The following LMCD1 variants were observed in gnomAD, a reference collection of about 807,000 sequenced individuals.
The protein encoded by LMCD1 is LIM and cysteine-rich domains protein 1.
LMCD1 carries 32 observed loss-of-function variants against 42.7 expected under a neutral mutation model. That is an observed-to-expected ratio of 0.75 (90% CI 0.57 to 1.01). The LOEUF is 1.01. Among genes scored for constraint, LMCD1 ranks in the 50% least tolerant of loss-of-function variants. The pLI, the probability that LMCD1 is intolerant of heterozygous loss-of-function variation, is 0.00. For missense variants in LMCD1, 458 were observed against 483.1 expected, an observed-to-expected ratio of 0.95 and a Z score of 0.49; for synonymous variants, 178 against 184.9, an observed-to-expected ratio of 0.96 and a Z score of 0.30.
At chr3:8,548,529 A>G in intron 3 of LMCD1, 39 bp from the exon 4 acceptor site, 1 of 1,442,886 alleles carries the variant, frequency 6.9e-7, no homozygotes, top group Non-Finnish European at 9.5e-7. Context: ...ATGAAGCCCC[A>G]TCCACATCAT....
intron 1 of LMCD1, among the ~76,000 whole-genome samples, chr3:8,506,956 G>A (rs1277504194): frequency 6.6e-6 from 1 of 152,208 alleles, no homozygotes; most frequent in Admixed American, 6.5e-5. Context: ...CACTGAAAGC[G>A]GAATTGTGGA....
rs1350426893 is a variant in LMCD1, at chr3:8,572,808, AC to A, written c.*5211del. 6.6e-6 allele frequency: 1 copy of A among 152,216 alleles called. No individual in the cohort carries two copies. Among genetic ancestry groups the A allele is most frequent in the African/African-American group, 2.4e-5 (1 of 41,446 alleles). 9.4% of individuals were successfully genotyped at this position (152,216 alleles called of 1,614,324 possible). On this transcript the variant is annotated 3_prime_UTR_variant, in exon 6 of 6. Transcript: ENST00000157600. ...TCTTTAAACACATTTTACATCTGGC[AC>A]AATAACGTGCTACATACCCATCTTG... is the stretch of plus-strand genomic sequence containing the variant.
chr3:8,559,747 A>G (rs1168228207), intron 4 of LMCD1, among the ~76,000 whole-genome samples: 2 of 152,320 alleles, frequency 1.3e-5, no homozygotes, highest in East Asian at 3.9e-4. Flanking sequence ...CAGGTCTCTC[A>G]TCCTTTGAGA....
rs1465951469 is a variant in LMCD1, at chr3:8,548,555, T to C, written c.388-13T>C. On this transcript the variant is annotated splice_polypyrimidine_tract_variant and intron_variant, in intron 3 of 5. Transcript: ENST00000157600. ...TCCACATCATGTTGTCTCTTCCTCC[T>C]CCTCCTCCCTAGGGACTGCAGTACA... The C allele has an allele frequency of 6.4e-7, 1 of 1,574,014 alleles. No homozygotes were observed. The highest frequency in any genetic ancestry group is 1.2e-5 in the South Asian group (1 of 86,240).
chr3:8,504,252 G>C (rs1251747359), intron 1 of LMCD1, among the ~76,000 whole-genome samples: 1 of 152,212 alleles, frequency 6.6e-6, no homozygotes, highest in Non-Finnish European at 1.5e-5. Flanking sequence ...TCACAGAAGT[G>C]ATTAAGTACT....
At chr3:8,539,795 T>TTTATTATTATTA (rs71049735) in intron 3 of LMCD1, among the ~76,000 whole-genome samples, 6 of 139,842 alleles carry the variant, frequency 4.3e-5, no homozygotes, top group Non-Finnish European at 9.2e-5. Context: ...TCCCAACATT[T>TTTATTATTATTA]TTATTATTAT....
intron 3 of LMCD1, among the ~76,000 whole-genome samples, chr3:8,544,795 A>G (rs574370738): frequency 6.6e-6 from 1 of 152,184 alleles, no homozygotes; most frequent in African/African-American, 2.4e-5. Flanking sequence ...GGATGAACCT[A>G]GCAGCAGCCA....
At chr3:8,535,811 G>T (rs1694497786) in intron 2 of LMCD1, among the ~76,000 whole-genome samples, 1 of 152,152 alleles carries the variant, frequency 6.6e-6, no homozygotes, top group African/African-American at 2.4e-5. Flanking sequence ...TCAGTAAGGG[G>T]TTCCCAACCT....
chr3:8,523,905 G>A lies in LMCD1; in HGVS notation c.43-8832G>A, dbSNP rs535647870. Among the ~76,000 whole-genome samples, 4 of 152,238 alleles carry A rather than the reference G, an allele frequency of 2.6e-5. No homozygotes were observed. The South Asian group carries it at 8.3e-4, about 32-fold the overall frequency. ...AGGCAGAGGATTTACTTTCAGGAAGGGCAACAAATGTAGACTTTAAGTTAT... is the reference window on the plus strand; with the variant it reads ...AGGCAGAGGATTTACTTTCAGGAAGAGCAACAAATGTAGACTTTAAGTTAT... On this transcript the variant is annotated intron_variant, in intron 1 of 5. Transcript: ENST00000157600.
intron 4 of LMCD1, among the ~76,000 whole-genome samples, chr3:8,561,949 T>C (rs1332001756): frequency 6.6e-6 from 1 of 152,180 alleles, no homozygotes; most frequent in Non-Finnish European, 1.5e-5. Context: ...AAGTTCCCAT[T>C]CTTTAGAGGA....
At chr3:8,543,397 TGATAGATAGATAGATAGATA>T (rs57434919) in intron 3 of LMCD1, among the ~76,000 whole-genome samples, 2 of 92,772 alleles carry the variant, frequency 2.2e-5, no homozygotes, top group African/African-American at 7.8e-5. Context: ...GATAGATAGA[TGATAGATAGATAGATAGATA>T]GATAGATAGA....
intron 1 of LMCD1, among the ~76,000 whole-genome samples, chr3:8,507,048 A>T (rs1693897191): frequency 6.6e-6 from 1 of 152,190 alleles, no homozygotes; most frequent in Non-Finnish European, 1.5e-5. Context: ...CATATCCCCT[A>T]CCATTTGATA....
intron 4 of LMCD1, chr3:8,550,228 T>C (rs73135679): frequency 0.096 from 107,569 of 1,122,286 alleles, 5,731 homozygotes; most frequent in South Asian, 0.22. Flanking sequence ...GTCTAGCGTG[T>C]ACTGCGTTTC....
At chr3:8,530,071 C>G (rs769866504) in intron 1 of LMCD1, among the ~76,000 whole-genome samples, 4 of 152,216 alleles carry the variant, frequency 2.6e-5, no homozygotes, top group African/African-American at 4.8e-5. Flanking sequence ...AAACCCGAAA[C>G]AGTTGCTTGC....
intron 1 of LMCD1, among the ~76,000 whole-genome samples, chr3:8,520,082 A>G (rs1476509841): frequency 1.3e-5 from 2 of 152,222 alleles, no homozygotes; most frequent in Non-Finnish European, 2.9e-5. Flanking sequence ...CTTTTAAGAT[A>G]CTAAGATTCA....
intron 1 of LMCD1, among the ~76,000 whole-genome samples, chr3:8,515,314 C>T (rs1694078268): frequency 6.6e-6 from 1 of 152,186 alleles, no homozygotes; most frequent in Non-Finnish European, 1.5e-5. Context: ...TACTTTTCTT[C>T]CTTGTGGGCG....
chr3:8,504,315 A>G (rs1242903013), intron 1 of LMCD1, among the ~76,000 whole-genome samples: 1 of 152,248 alleles, frequency 6.6e-6, no homozygotes, highest in African/African-American at 2.4e-5. Flanking sequence ...TATTTTTTAA[A>G]TCTGCAACAG....
chr3:8,537,505 G>A (rs1694535210), intron 3 of LMCD1, 65 bp downstream of exon 3: 4 of 1,471,488 alleles, frequency 2.7e-6, no homozygotes. Context: ...CATGTCAAGT[G>A]TTTCTGAATT....
chr3:8,573,231 A>C lies in LMCD1; in HGVS notation c.*5633A>C, dbSNP rs912498518. 1 of 152,198 alleles carries C rather than the reference A, an allele frequency of 6.6e-6. No individual in the cohort carries two copies. The highest frequency in any genetic ancestry group is 2.4e-5 in the African/African-American group (1 of 41,444). The allele number at this position is 152,198 out of a possible 1,614,324, so 9.4% of individuals were successfully genotyped here. A position where few individuals can be genotyped will look rare whatever the true frequency, so the allele number is the denominator to read the frequency against. The stretch of plus-strand genomic sequence containing the variant: ...GGGTGAATTACACATTTCTGAAGCC[A>C]TTACACTTCCTAGTTTATTTGGATT... On this transcript the variant is annotated 3_prime_UTR_variant, in exon 6 of 6. Transcript: ENST00000157600.
Sources: allele counts gnomAD v4.1 joint callset (sites outside exome capture counted in the v4.1 genomes callset), GRCh38; gene constraint gnomAD v4.1.1; transcripts MANE v1.5; gene names NCBI Gene and HGNC (gene_info 2026-07-23, HGNC 2026-07-21).